The following STX7 variants were observed in gnomAD, a reference collection of about 807,000 sequenced individuals.
STX7 encodes syntaxin-7.
Under a neutral mutation model 39.6 loss-of-function variants are expected in STX7, and 34 were observed. The observed-to-expected ratio is 0.86, with a 90% CI of 0.65 to 1.14. The LOEUF (loss-of-function observed/expected upper bound fraction) is 1.14. Ranked by LOEUF, STX7 falls within the 50% of genes most tolerant of loss-of-function variation. The pLI is 0.00. For synonymous variants in STX7, 119 were observed against 99.1 expected (o/e 1.20, Z -1.19); for missense variants, 284 against 310.4 (o/e 0.92, Z 0.64).
At chr6:132,487,272 T>C (rs1489644548) in intron 2 of STX7, among the ~76,000 whole-genome samples, 1 of 152,184 alleles carries the variant, frequency 6.6e-6, no homozygotes, top group Non-Finnish European at 1.5e-5. Context: ...CATAAAGTTG[T>C]TTATAATACT....
At chr6:132,493,356 C>T (rs1775342831) in intron 2 of STX7, among the ~76,000 whole-genome samples, 2 of 152,122 alleles carry the variant, frequency 1.3e-5, no homozygotes, top group Admixed American at 6.6e-5. Context: ...GGCTGTGTCC[C>T]CACCCAAACC....
In STX7 at chr6:132,493,996, T is replaced by C. The variant is rs371971848; in HGVS notation, c.85+9450A>G. Among the ~76,000 whole-genome samples, 7 of 152,318 alleles carry C rather than the reference T, an allele frequency of 4.6e-5. No individual in the cohort carries two copies. The East Asian group carries it at 1.2e-3, about 25-fold the overall frequency. On this transcript the variant is annotated intron_variant, in intron 2 of 9. Coordinates refer to ENST00000367941, the MANE Select transcript of STX7 (RefSeq NM_003569.3). Reference sequence around the variant, plus strand: ...GTTGGAAAATAACTAGTCATTATTATAGAAATTCTTAAATAAATGTAGTAT... The same window carrying C: ...GTTGGAAAATAACTAGTCATTATTACAGAAATTCTTAAATAAATGTAGTAT...
At chr6:132,484,147 T>C (rs2114419005) in intron 2 of STX7, among the ~76,000 whole-genome samples, 1 of 152,354 alleles carries the variant, frequency 6.6e-6, no homozygotes, top group Middle Eastern at 3.4e-3. Context: ...TTATCTACAA[T>C]TTTGAACTAT....
intron 3 of STX7, among the ~76,000 whole-genome samples, chr6:132,473,528 T>TTG (rs1774792549): frequency 6.6e-6 from 1 of 150,758 alleles, no homozygotes; most frequent in Non-Finnish European, 1.5e-5. Flanking sequence ...TTGTTTTTTT[T>TTG]TTTTTCTTGA....
At chr6:132,503,335 A>G in intron 2 of STX7, 111 bp downstream of exon 2, 1 of 856,918 alleles carries the variant, frequency 1.2e-6, no homozygotes, top group Non-Finnish European at 1.9e-6. Flanking sequence ...ACCTGTTGTT[A>G]GAGGAATGCT....
At chr6:132,476,845 G>T (rs1774888684) in intron 2 of STX7, among the ~76,000 whole-genome samples, 1 of 152,012 alleles carries the variant, frequency 6.6e-6, no homozygotes, top group East Asian at 1.9e-4. Context: ...TATGTATGTG[G>T]GGACATAAAT....
At chr6:132,502,469 A>G (rs2114471673) in intron 2 of STX7, among the ~76,000 whole-genome samples, 1 of 152,316 alleles carries the variant, frequency 6.6e-6, no homozygotes, top group Middle Eastern at 3.4e-3. Context: ...AAAAGTAAAA[A>G]AAAATAAAAA....
intron 2 of STX7, among the ~76,000 whole-genome samples, chr6:132,494,516 G>A (rs971919685): frequency 1.1e-4 from 17 of 152,294 alleles, no homozygotes; most frequent in South Asian, 1.0e-3. Flanking sequence ...AGTGAGCTTT[G>A]GGCCCTAAGA....
chr6:132,470,574 C>T lies in STX7; in HGVS notation c.440G>A (p.Ser147Asn). The T allele has an allele frequency of 6.2e-7, 1 of 1,601,914 alleles. No individual in the cohort carries two copies. Among genetic ancestry groups the T allele is most frequent in the Non-Finnish European group, 8.5e-7 (1 of 1,172,358 alleles). The change falls in exon 6 of 10, where the codon AGC becomes AAC. Residue 147 changes from serine (S) to asparagine (N), a missense_variant and splice_region_variant. Ser to Asn is a conservative substitution (Grantham distance 46). Transcript: ENST00000367941. ...CTGTAAAATGTTTTGTATTTCTTAC[C>T]TTTCCCAGGATACAAGATTCCTTTC... Reference protein sequence around the residue: ...SKERNLVSWESQTQPQVQVQD... With the variant: ...SKERNLVSWENQTQPQVQVQD...
rs1335942260 is a variant in STX7 at position 132,446,949 on chromosome 6, G to C, written c.*13809C>G. ...GAAGAGAGACAGTACTCTAAAAGAA[G>C]GCCTAGGAGCCATGAATAACTGCCG... On this transcript the variant is annotated 3_prime_UTR_variant, in exon 10 of 10. Coordinates refer to ENST00000367941, the MANE Select transcript of STX7 (RefSeq NM_003569.3). 1 of 152,186 alleles carries C rather than the reference G, an allele frequency of 6.6e-6. No individual in the cohort carries two copies. Among genetic ancestry groups the C allele is most frequent in the Non-Finnish European group, 1.5e-5 (1 of 68,032 alleles). The allele number at this position is 152,186 out of a possible 1,614,324, so 9.4% of individuals were successfully genotyped here.
chr6:132,476,419 C>T (rs1774875814), intron 2 of STX7, among the ~76,000 whole-genome samples: 1 of 152,012 alleles, frequency 6.6e-6, no homozygotes, highest in Middle Eastern at 3.4e-3. Flanking sequence ...GATAACTTGC[C>T]TGGGCATTTA....
Position 132,505,340 on chromosome 6 carries a change from G to C in STX7, c.-58-1752C>G, listed in dbSNP as rs1024593344. 4.6e-5 allele frequency among the ~76,000 whole-genome samples: 7 copies of C among 152,256 alleles called. No individual in the cohort carries two copies. The East Asian group carries it at 1.4e-3, about 29-fold the overall frequency. Reference sequence around the variant, plus strand: ...GTCTTTGCTCTAAGGGACAGTGTTGGCAGGAAGTACAACAGCTGAACTGTT... The same window carrying C: ...GTCTTTGCTCTAAGGGACAGTGTTGCCAGGAAGTACAACAGCTGAACTGTT... On this transcript the variant is annotated intron_variant, in intron 1 of 9. Coordinates refer to ENST00000367941, the MANE Select transcript of STX7 (RefSeq NM_003569.3).
At chr6:132,509,873 C>G (rs1775804615) in intron 1 of STX7, among the ~76,000 whole-genome samples, 1 of 152,190 alleles carries the variant, frequency 6.6e-6, no homozygotes, top group African/African-American at 2.4e-5. Context: ...ATTCAGATGT[C>G]TGCTTTCCAC....
chr6:132,498,673 T>G (rs1174429114), intron 2 of STX7, among the ~76,000 whole-genome samples: 14 of 152,204 alleles, frequency 9.2e-5, no homozygotes, highest in Non-Finnish European at 1.5e-5. Context: ...CTAAATGTGG[T>G]GCAAAGTATC....
intron 1 of STX7, among the ~76,000 whole-genome samples, chr6:132,510,284 T>C (rs893606599): frequency 1.3e-5 from 2 of 152,252 alleles, no homozygotes; most frequent in Admixed American, 6.5e-5. Flanking sequence ...GTAATGGATA[T>C]GCTAATTACC....
intron 2 of STX7, among the ~76,000 whole-genome samples, chr6:132,492,861 G>C (rs4895939): frequency 0.18 from 26,865 of 152,210 alleles, 2,407 homozygotes; most frequent in Middle Eastern, 0.2. Flanking sequence ...GAACAAAGCA[G>C]GGTATATAGG....
At chr6:132,511,411 A>C (rs1775844686) in intron 1 of STX7, among the ~76,000 whole-genome samples, 1 of 152,210 alleles carries the variant, frequency 6.6e-6, no homozygotes, top group Non-Finnish European at 1.5e-5. Flanking sequence ...CTGATATGAA[A>C]GTGAGAACTC....
chr6:132,493,398 C>A (rs1225699429), intron 2 of STX7, among the ~76,000 whole-genome samples: 1 of 152,132 alleles, frequency 6.6e-6, no homozygotes, highest in Non-Finnish European at 1.5e-5. Flanking sequence ...ACAACTCCCA[C>A]ATGTTGTGAG....
intron 2 of STX7, among the ~76,000 whole-genome samples, chr6:132,493,570 C>T (rs1775347602): frequency 6.6e-6 from 1 of 152,198 alleles, no homozygotes; most frequent in Non-Finnish European, 1.5e-5. Context: ...CATGCTTTTC[C>T]TTCGTCTTCC....
Sources: allele counts gnomAD v4.1 joint callset (sites outside exome capture counted in the v4.1 genomes callset), GRCh38; gene constraint gnomAD v4.1.1; transcripts MANE v1.5; gene names NCBI Gene and HGNC (gene_info 2026-07-23, HGNC 2026-07-21).